Variants in CATSPERE observed in about 807,000 individuals in gnomAD.
CATSPERE encodes catsper channel auxiliary subunit epsilon.
Under a neutral mutation model 114.1 loss-of-function variants are expected in CATSPERE, and 93 were observed. The ratio of observed to expected loss-of-function variants is 0.81; its 90% CI spans 0.69 to 0.97. The LOEUF (loss-of-function observed/expected upper bound fraction) is 0.97, where lower values mean the gene tolerates loss of function less well. Ranked by LOEUF, CATSPERE falls within the 50% of genes least tolerant of loss-of-function variation. CATSPERE has a pLI of 0.00. For missense variants in CATSPERE, 1,058 were observed against 1,131.6 expected, an observed-to-expected ratio of 0.93 and a Z score of 0.93; for synonymous variants, 341 against 384.1, an observed-to-expected ratio of 0.89 and a Z score of 1.31.
At chr1:244,551,937 G>T (rs556106991) in intron 8 of CATSPERE, among the ~76,000 whole-genome samples, 7 of 151,764 alleles carry the variant, frequency 4.6e-5, no homozygotes, top group Non-Finnish European at 1.0e-4. Flanking sequence ...GGTGGTGGGT[G>T]CCTGTAATCC....
chr1:244,471,057 TGG>T (rs1668401763), intron 2 of CATSPERE, among the ~76,000 whole-genome samples: 1 of 152,162 alleles, frequency 6.6e-6, no homozygotes, highest in South Asian at 2.1e-4. Flanking sequence ...AGTTTTTTTG[TGG>T]AGTGTTGAAT....
intron 8 of CATSPERE, among the ~76,000 whole-genome samples, chr1:244,537,795 C>A (rs1168549827): frequency 6.6e-6 from 1 of 151,948 alleles, no homozygotes; most frequent in Non-Finnish European, 1.5e-5. Flanking sequence ...TTGGTGAATT[C>A]TTATGTGGGA....
chr1:244,618,634 G>A (rs1223441637), intron 20 of CATSPERE, among the ~76,000 whole-genome samples: 2 of 152,064 alleles, frequency 1.3e-5, no homozygotes, highest in Non-Finnish European at 2.9e-5. Flanking sequence ...AAAATTAGCT[G>A]GGTGTGGTGG....
chr1:244,609,767 G>A lies in CATSPERE; in HGVS notation c.2404-473G>A, dbSNP rs146945871. On this transcript the variant is annotated intron_variant, in intron 18 of 21. Transcript: ENST00000366534. ...AATAAGTGAGTTTAGAAATTCTCTC[G>A]GCCAAGCACATGCCTGTAATCCCAA... 2.8e-3 allele frequency among the ~76,000 whole-genome samples: 425 copies of A among 152,290 alleles called. 4 individuals carry two copies. Among genetic ancestry groups the A allele is most frequent in the East Asian group, 0.014 (73 of 5,184 alleles).
intron 16 of CATSPERE, 28 bp downstream of exon 16, chr1:244,593,456 G>T: frequency 6.2e-7 from 1 of 1,613,624 alleles, no homozygotes; most frequent in East Asian, 2.2e-5. Context: ...TTCTGTCAAT[G>T]GACCAAATAT....
chr1:244,527,434 G>A (rs1409010031), intron 8 of CATSPERE, among the ~76,000 whole-genome samples: 2 of 152,144 alleles, frequency 1.3e-5, no homozygotes, highest in East Asian at 3.9e-4. Flanking sequence ...AGAGTTTAAG[G>A]TTATCTCTCT....
intron 18 of CATSPERE, among the ~76,000 whole-genome samples, chr1:244,609,281 CATT>C (rs1467114332): frequency 1.3e-5 from 2 of 151,762 alleles, no homozygotes; most frequent in Admixed American, 1.3e-4. Flanking sequence ...TTATGGCAAA[CATT>C]ATATTTAATG....
chr1:244,621,195 T>TATATATATTA (rs1558610289), intron 20 of CATSPERE, among the ~76,000 whole-genome samples: 387 of 12,040 alleles, frequency 0.032, 64 homozygotes, highest in Non-Finnish European at 0.052. Flanking sequence ...ATAGATATAT[T>TATATATATTA]TATATAGATA....
At chr1:244,591,101 G>A (rs1467762757) in intron 14 of CATSPERE, among the ~76,000 whole-genome samples, 1 of 151,198 alleles carries the variant, frequency 6.6e-6, no homozygotes, top group Admixed American at 6.6e-5. Context: ...GCCAACTCTT[G>A]TTTCTTTCTG....
rs35715606 is a variant in CATSPERE at position 244,610,322 on chromosome 1, C to T, written c.2486C>T (p.Pro829Leu). Residue 829 changes from proline to leucine, a missense_variant, in exon 19 of 22, where the codon CCT becomes CTT. By Grantham distance (98) the Pro-to-Leu change is moderately conservative. Transcript: ENST00000366534. Reference sequence around the variant, plus strand: ...CTCCCACTAGAAGAAGTCTGGGGACCTGAGGTAAGAGAAACATTACCTTCC... The same window carrying T: ...CTCCCACTAGAAGAAGTCTGGGGACTTGAGGTAAGAGAAACATTACCTTCC... Reference protein sequence around the residue: ...KHLPLEEVWGPENYKHCFSYA... With the variant: ...KHLPLEEVWGLENYKHCFSYA... 1.1e-5 allele frequency: 17 copies of T among 1,605,558 alleles called. No individual in the cohort carries two copies. The highest frequency in any genetic ancestry group is 1.3e-5 in the Non-Finnish European group (15 of 1,172,686).
chr1:244,472,071 G>A (rs747625002), intron 2 of CATSPERE, among the ~76,000 whole-genome samples: 15 of 152,058 alleles, frequency 9.9e-5, no homozygotes, highest in Admixed American at 2.0e-4. Context: ...TGATCCTTCC[G>A]CCTCAGCCTC....
chr1:244,634,643 TG>T (rs1332561413), intron 20 of CATSPERE, among the ~76,000 whole-genome samples: 1 of 152,226 alleles, frequency 6.6e-6, no homozygotes, highest in Non-Finnish European at 1.5e-5. Flanking sequence ...GTCAACATGA[TG>T]GGCAGCAGGG....
chr1:244,638,603 T>C (rs989331649), intron 21 of CATSPERE, among the ~76,000 whole-genome samples: 5 of 152,172 alleles, frequency 3.3e-5, no homozygotes, highest in African/African-American at 1.2e-4. Flanking sequence ...CTTAACTTCT[T>C]CTCTTAGGTG....
chr1:244,524,831 A>G (rs1678249910), intron 8 of CATSPERE, among the ~76,000 whole-genome samples: 1 of 146,280 alleles, frequency 6.8e-6, no homozygotes, highest in East Asian at 1.9e-4. Flanking sequence ...TTAAAAAGTC[A>G]GGAAACAACA....
intron 6 of CATSPERE, among the ~76,000 whole-genome samples, chr1:244,498,362 C>G (rs569095969): frequency 6.6e-6 from 1 of 152,022 alleles, no homozygotes; most frequent in Non-Finnish European, 1.5e-5. Context: ...TAATACTTAC[C>G]TATGGGGTGC....
At chr1:244,550,334 A>G (rs990925228) in intron 8 of CATSPERE, among the ~76,000 whole-genome samples, 3 of 152,242 alleles carry the variant, frequency 2.0e-5, no homozygotes, top group Admixed American at 6.5e-5. Flanking sequence ...TCACAAAAAT[A>G]AGAGACTATA....
At chr1:244,532,925 A>C (rs1257406415) in intron 8 of CATSPERE, among the ~76,000 whole-genome samples, 2 of 152,026 alleles carry the variant, frequency 1.3e-5, no homozygotes, top group Non-Finnish European at 2.9e-5. Context: ...CTGTCTGGAT[A>C]ATCTGTCCCA....
intron 8 of CATSPERE, among the ~76,000 whole-genome samples, chr1:244,528,516 G>A (rs768942895): frequency 1.3e-4 from 19 of 151,724 alleles, no homozygotes; most frequent in African/African-American, 2.4e-4. Context: ...TAATTTTTGT[G>A]GGTACATAGT....
At chr1:244,612,457 A>G (rs947391241) in intron 19 of CATSPERE, among the ~76,000 whole-genome samples, 2 of 152,134 alleles carry the variant, frequency 1.3e-5, no homozygotes, top group African/African-American at 4.8e-5. Flanking sequence ...AAAACACTGA[A>G]GGACTCATAA....
Sources: allele counts gnomAD v4.1 joint callset (sites outside exome capture counted in the v4.1 genomes callset), GRCh38; gene constraint gnomAD v4.1.1; transcripts MANE v1.5; gene names NCBI Gene and HGNC (gene_info 2026-07-23, HGNC 2026-07-21).